Variants in SLC35F3 observed in about 807,000 individuals in gnomAD.
SLC35F3 encodes the protein solute carrier family 35 member F3.
Under a neutral mutation model 49.9 loss-of-function variants are expected in SLC35F3, and 25 were observed. That is an observed-to-expected ratio of 0.50 (90% CI 0.37 to 0.70). SLC35F3 has a LOEUF of 0.70. SLC35F3 is among the 30% of genes least tolerant of loss of function. SLC35F3 has a pLI of 0.00. For synonymous variants in SLC35F3, 275 were observed against 265.4 expected, an observed-to-expected ratio of 1.04 and a Z score of -0.35; for missense variants, 525 against 639.8, an observed-to-expected ratio of 0.82 and a Z score of 1.94.
chr1:234,140,352 C>T (rs1665893698), intron 2 of SLC35F3, among the ~76,000 whole-genome samples: 1 of 152,092 alleles, frequency 6.6e-6, no homozygotes, highest in African/African-American at 2.4e-5. Flanking sequence ...AATATATTCA[C>T]ATAAATTTTA....
At chr1:233,962,806 A>G (rs551980888) in intron 2 of SLC35F3, among the ~76,000 whole-genome samples, 73 of 152,374 alleles carry the variant, frequency 4.8e-4, no homozygotes, top group African/African-American at 1.7e-3. Flanking sequence ...TCTACAGTGC[A>G]TTCCTTTTCA....
At chr1:234,310,267 G>A (rs1657312874) in intron 4 of SLC35F3, among the ~76,000 whole-genome samples, 1 of 152,096 alleles carries the variant, frequency 6.6e-6, no homozygotes, top group Admixed American at 6.5e-5. Context: ...CGGTTTGAGG[G>A]GCAGTCCCAT....
At chr1:234,196,764 A>C (rs1167597889) in intron 2 of SLC35F3, among the ~76,000 whole-genome samples, 1 of 152,120 alleles carries the variant, frequency 6.6e-6, no homozygotes, top group Non-Finnish European at 1.5e-5. Context: ...AGATGGTGAA[A>C]CCTCGTCTCT....
At chr1:234,295,009 G>A (rs1311801467) in intron 3 of SLC35F3, among the ~76,000 whole-genome samples, 13 of 152,226 alleles carry the variant, frequency 8.5e-5, no homozygotes, top group Non-Finnish European at 7.3e-5. Context: ...TGAAGCCCAC[G>A]GGGCCTGAGG....
At chr1:234,150,518 T>C (rs1666060711) in intron 2 of SLC35F3, among the ~76,000 whole-genome samples, 3 of 152,222 alleles carry the variant, frequency 2.0e-5, no homozygotes, top group Admixed American at 2.0e-4. Flanking sequence ...TTAAAAAATG[T>C]TTGTTCCCTT....
At chr1:234,203,949 GA>G (rs1448305512) in intron 2 of SLC35F3, among the ~76,000 whole-genome samples, 1 of 152,174 alleles carries the variant, frequency 6.6e-6, no homozygotes, top group Admixed American at 6.5e-5. Context: ...TGAGTTATAT[GA>G]TCTACATAAG....
chr1:234,018,975 C>G (rs1033294679), intron 2 of SLC35F3, among the ~76,000 whole-genome samples: 1 of 152,148 alleles, frequency 6.6e-6, no homozygotes, highest in African/African-American at 2.4e-5. Context: ...GAAATAGCAG[C>G]TAGAGGTTTG....
intron 2 of SLC35F3, among the ~76,000 whole-genome samples, chr1:234,202,163 ACAC>A (rs1396617922): frequency 6.6e-6 from 1 of 152,240 alleles, no homozygotes; most frequent in African/African-American, 2.4e-5. Flanking sequence ...AGAAAACCAA[ACAC>A]CACATGTTTC....
Position 234,027,607 on chromosome 1 carries a change from C to G in SLC35F3, c.283+121849C>G, listed in dbSNP as rs12095585. Reference sequence around the variant, plus strand: ...AGCAAGACAAAAACGAGGGCCTAAACTAAGCTGGTCACAGATAGTAGAAAG... The same window carrying G: ...AGCAAGACAAAAACGAGGGCCTAAAGTAAGCTGGTCACAGATAGTAGAAAG... On this transcript the variant is annotated intron_variant, in intron 2 of 7. Transcript: ENST00000366618. This position sits in a 1 kb window ranked among gnomAD's most constrained non-coding sequence, Gnocchi z 4.1. Among the ~76,000 whole-genome samples the G allele has an allele frequency of 6.7e-3, 1,013 of 152,190 alleles. 11 individuals are homozygous for G. Among genetic ancestry groups the G allele is most frequent in the African/African-American group, 0.023 (968 of 41,522 alleles).
At chr1:233,988,485 C>T (rs4268406) in intron 2 of SLC35F3, among the ~76,000 whole-genome samples, 46,883 of 152,094 alleles carry the variant, frequency 0.31, 8,610 homozygotes, top group Non-Finnish European at 0.42. Context: ...GTCAACCCCA[C>T]CTGTGCCTTT....
At chr1:234,160,379 G>A (rs990038917) in intron 2 of SLC35F3, among the ~76,000 whole-genome samples, 1 of 152,174 alleles carries the variant, frequency 6.6e-6, no homozygotes, top group African/African-American at 2.4e-5. Context: ...AGACAAGGCT[G>A]TTCCAGTCTT....
At chr1:234,268,425 C>T (rs1668041773) in intron 3 of SLC35F3, among the ~76,000 whole-genome samples, 1 of 151,660 alleles carries the variant, frequency 6.6e-6, no homozygotes, top group South Asian at 2.1e-4. Context: ...TTTGGCTCGG[C>T]ATCAGAGGGA....
intron 2 of SLC35F3, among the ~76,000 whole-genome samples, chr1:233,960,743 A>G (rs993603803): frequency 6.6e-6 from 1 of 152,114 alleles, no homozygotes; most frequent in African/African-American, 2.4e-5. Flanking sequence ...CCAGAATGGA[A>G]CCCCACTGCC....
At position 234,151,002 on chromosome 1, in the gene SLC35F3, G is replaced by C. The variant is rs562664906; in HGVS notation, c.284-80415G>C. Among the ~76,000 whole-genome samples the C allele has an allele frequency of 1.6e-3, 242 of 152,282 alleles. 2 individuals are homozygous for C. Among genetic ancestry groups the C allele is most frequent in the African/African-American group, 5.4e-3 (223 of 41,550 alleles). ...GGGGTTCTGCTGACTCCAATACCAG[G>C]TCAGTGTAAGAGGCTCAGGGCAAGA... is the stretch of plus-strand genomic sequence containing the variant. On this transcript the variant is annotated intron_variant, in intron 2 of 7. Coordinates refer to ENST00000366618, the MANE Select transcript of SLC35F3 (RefSeq NM_173508.4).
chr1:234,196,777 T>TA (rs1572090711), intron 2 of SLC35F3, among the ~76,000 whole-genome samples: 1 of 152,000 alleles, frequency 6.6e-6, no homozygotes, highest in Admixed American at 6.6e-5. Context: ...TCGTCTCTAC[T>TA]AAAAAAATAC....
At chr1:234,119,875 T>G (rs2102892539) in intron 2 of SLC35F3, among the ~76,000 whole-genome samples, 1 of 152,318 alleles carries the variant, frequency 6.6e-6, no homozygotes, top group East Asian at 1.9e-4. Context: ...ACACACTCAA[T>G]TTACAGCCTC....
intron 4 of SLC35F3, 94 bp from the exon 5 acceptor site, chr1:234,316,508 G>A: frequency 6.8e-7 from 1 of 1,472,436 alleles, no homozygotes; most frequent in Non-Finnish European, 9.1e-7. Context: ...TCACGTGGCT[G>A]AACCCCACGC....
At chr1:234,032,981 A>T (rs1664085690) in intron 2 of SLC35F3, among the ~76,000 whole-genome samples, 1 of 152,148 alleles carries the variant, frequency 6.6e-6, no homozygotes, top group Non-Finnish European at 1.5e-5. Context: ...TATTCCCACG[A>T]ACAGTGTAAA....
In SLC35F3 at chr1:234,117,912, ATGTG is replaced by A. The variant is rs370186911; in HGVS notation, c.284-113455_284-113452del. On this transcript the variant is annotated intron_variant, in intron 2 of 7. Transcript: ENST00000366618. ...AAAAAGAAAAAAAAAAAGACTATAT[ATGTG>A]TGTGTGTGTGTGTGTGTGTGTGTGT... Among the ~76,000 whole-genome samples the A allele has an allele frequency of 5.6e-3, 641 of 113,912 alleles. 16 individuals carry two copies. Among genetic ancestry groups the A allele is most frequent in the African/African-American group, 7.4e-3 (247 of 33,446 alleles). The allele number at this position is 113,912 out of a possible 152,430, so 74.7% of individuals were successfully genotyped here. A position where few individuals can be genotyped will look rare whatever the true frequency, so the allele number is the denominator to read the frequency against.
Sources: gnomAD v4.1 joint callset for allele counts (sites outside exome capture counted in the v4.1 genomes callset) on GRCh38, gnomAD v4.1.1 for gene constraint, Gnocchi (gnomAD v3.1) non-coding constraint, MANE v1.5 for transcripts, NCBI Gene and HGNC (gene_info 2026-07-23, HGNC 2026-07-21) for gene names.